The following PCYT1A variants were observed in gnomAD, a reference collection of about 807,000 sequenced individuals.
PCYT1A encodes the protein choline-phosphate cytidylyltransferase A.
PCYT1A carries 25 observed loss-of-function variants against 43.7 expected under a neutral mutation model. That is an observed-to-expected ratio of 0.57 (90% CI 0.42 to 0.80). The LOEUF (loss-of-function observed/expected upper bound fraction) is 0.80, where lower values mean the gene tolerates loss of function less well. PCYT1A is among the 30% of genes least tolerant of loss of function. PCYT1A has a pLI of 0.00. For synonymous variants in PCYT1A, 172 were observed against 170.7 expected, an observed-to-expected ratio of 1.01 and a Z score of -0.06; for missense variants, 421 against 474.2, an observed-to-expected ratio of 0.89 and a Z score of 1.04.
At chr3:196,272,752 G>A (rs1577373288) in intron 1 of PCYT1A, among the ~76,000 whole-genome samples, 1 of 152,250 alleles carries the variant, frequency 6.6e-6, no homozygotes, top group East Asian at 1.9e-4. Context: ...ATTTATTATT[G>A]TCTCATTTAG....
At chr3:196,244,961 CG>C (rs1312565911) in intron 5 of PCYT1A, among the ~76,000 whole-genome samples, 4 of 152,078 alleles carry the variant, frequency 2.6e-5, no homozygotes, top group Admixed American at 6.5e-5. Flanking sequence ...TGCAGAAGGC[CG>C]CAGGGCCCTC....
At chr3:196,255,993 C>T (rs891522230) in intron 3 of PCYT1A, among the ~76,000 whole-genome samples, 3 of 152,108 alleles carry the variant, frequency 2.0e-5, no homozygotes, top group African/African-American at 7.2e-5. Context: ...GTCATTTTAC[C>T]CTGCCTCCAG....
At chr3:196,274,508 TG>T (rs3836216) in intron 1 of PCYT1A, among the ~76,000 whole-genome samples, 54,838 of 152,154 alleles carry the variant, frequency 0.36, 10,626 homozygotes, top group East Asian at 0.81. Flanking sequence ...TTGATACTGA[TG>T]AAATTTTAGG....
chr3:196,266,087 A>G (rs995134171), intron 2 of PCYT1A, among the ~76,000 whole-genome samples: 2 of 151,876 alleles, frequency 1.3e-5, no homozygotes, highest in Non-Finnish European at 2.9e-5. Flanking sequence ...GCTCTAGGCT[A>G]TAGAATTCTA....
At position 196,242,957 on chromosome 3, in the gene PCYT1A, T is replaced by G; in HGVS notation, c.487-317A>C. On this transcript the variant is annotated intron_variant, in intron 5 of 8. Transcript: ENST00000431016. This position sits in a 1 kb window ranked among gnomAD's most constrained non-coding sequence, Gnocchi z 4.2. Reference sequence around the variant, plus strand: ...CCAGAGGGTTTGCTGGTGAACCGGTTAGTGGGTGGAGCCTAGGAAAGAAGG... The same window carrying G: ...CCAGAGGGTTTGCTGGTGAACCGGTGAGTGGGTGGAGCCTAGGAAAGAAGG... 3.1e-6 allele frequency: 1 copy of G among 325,294 alleles called. No homozygotes were observed. Among genetic ancestry groups the G allele is most frequent in the Non-Finnish European group, 5.8e-6 (1 of 171,886 alleles). The allele number at this position is 325,294 out of a possible 1,614,324, so 20.2% of individuals were successfully genotyped here.
At chr3:196,241,734 T>G (rs1443114832) in intron 7 of PCYT1A, 2 of 1,317,796 alleles carry the variant, frequency 1.5e-6, no homozygotes, top group Admixed American at 2.0e-5. Context: ...TAGTTGGCTG[T>G]ATGGCTTTAT....
chr3:196,283,024 T>C (rs1344877451), intron 1 of PCYT1A, among the ~76,000 whole-genome samples: 1 of 152,162 alleles, frequency 6.6e-6, no homozygotes, highest in Non-Finnish European at 1.5e-5. Context: ...TTTCAACTTG[T>C]GGTACAAGAG....
chr3:196,270,362 A>T lies in PCYT1A; in HGVS notation c.117+53T>A. The stretch of plus-strand genomic sequence containing the variant: ...TCAGAAGACATGTAACACTGATATC[A>T]TCAATGTCATATCGGTTTCTACCCT... On this transcript the variant is annotated intron_variant, in intron 2 of 8. Coordinates refer to ENST00000431016, the MANE Select transcript of PCYT1A (RefSeq NM_001312673.2). 3 of 1,042,974 alleles carry T rather than the reference A, an allele frequency of 2.9e-6. No homozygotes were observed. In the South Asian group the frequency reaches 3.8e-5, roughly 13 times the overall value. 64.6% of individuals were successfully genotyped at this position (1,042,974 alleles called of 1,614,324 possible).
chr3:196,269,479 C>T (rs1001975356), intron 2 of PCYT1A, among the ~76,000 whole-genome samples: 4 of 152,066 alleles, frequency 2.6e-5, no homozygotes, highest in African/African-American at 9.7e-5. Flanking sequence ...ACAACAGTAG[C>T]TTCAATTGTG....
At position 196,247,088 on chromosome 3, in the gene PCYT1A, T is replaced by C. The variant is rs1337462680; in HGVS notation, c.486+279A>G. On this transcript the variant is annotated intron_variant, in intron 5 of 8. Transcript: ENST00000431016. This position sits in a 1 kb window ranked among gnomAD's most constrained non-coding sequence, Gnocchi z 4.8. ...CAGGTTATTTGGTTTCTCTAGCCCT[T>C]GTTACTCATATGTAAAGCGGAAATG... Among the ~76,000 whole-genome samples the C allele has an allele frequency of 6.6e-6, 1 of 152,204 alleles. No individual in the cohort carries two copies. The highest frequency in any genetic ancestry group is 1.9e-4 in the East Asian group (1 of 5,206).
intron 5 of PCYT1A, among the ~76,000 whole-genome samples, chr3:196,244,626 C>T (rs1344787896): frequency 6.6e-6 from 1 of 152,268 alleles, no homozygotes; most frequent in Middle Eastern, 3.4e-3. Context: ...GCCATGATGA[C>T]GATGGCGGTT....
At position 196,252,520 on chromosome 3, in the gene PCYT1A, C is replaced by T. The variant is rs560143061; in HGVS notation, c.218-4197G>A. 3.3e-5 allele frequency among the ~76,000 whole-genome samples: 5 copies of T among 152,172 alleles called. No homozygotes were observed. The highest frequency in any genetic ancestry group is 1.2e-4 in the African/African-American group (5 of 41,518). On this transcript the variant is annotated intron_variant, in intron 3 of 8. Coordinates refer to ENST00000431016, the MANE Select transcript of PCYT1A (RefSeq NM_001312673.2). This position sits in a 1 kb window ranked among gnomAD's most constrained non-coding sequence, Gnocchi z 4.0. ...CCTCCCGAAGTTCTGGGATTACGGG[C>T]GTGAGCCACCATGCCCAGCCCAGGC...
chr3:196,248,412 C>T (rs1724637962), intron 3 of PCYT1A, 89 bp from the exon 4 acceptor site: 1 of 772,680 alleles, frequency 1.3e-6, no homozygotes, highest in Admixed American at 2.1e-5. Context: ...CACTCTGTCA[C>T]CCAGGCTGGA....
chr3:196,262,319 AAAC>A (rs1380487380), intron 2 of PCYT1A, among the ~76,000 whole-genome samples: 9 of 152,244 alleles, frequency 5.9e-5, no homozygotes, highest in Admixed American at 6.5e-5. Context: ...ACAAAATAGA[AAAC>A]AACAATACCT....
chr3:196,270,376 G>T, intron 2 of PCYT1A, 39 bp downstream of exon 2: 1 of 1,201,802 alleles, frequency 8.3e-7, no homozygotes, highest in Non-Finnish European at 1.2e-6. Context: ...ATGTCATATC[G>T]GTTTCTACCC....
chr3:196,258,503 C>T (rs1452434169), intron 2 of PCYT1A, among the ~76,000 whole-genome samples: 10 of 151,726 alleles, frequency 6.6e-5, no homozygotes, highest in Non-Finnish European at 1.0e-4. Flanking sequence ...TTCTAGTATC[C>T]GTTGTTGTTT....
rs138938051 is a variant in PCYT1A at position 196,248,862 on chromosome 3, C to A, written c.218-539G>T. Among the ~76,000 whole-genome samples, 521 of 152,012 alleles carry A rather than the reference C, an allele frequency of 3.4e-3. 3 individuals carry two copies. The highest frequency in any genetic ancestry group is 0.012 in the African/African-American group (500 of 41,474). On this transcript the variant is annotated intron_variant, in intron 3 of 8. Transcript: ENST00000431016. Reference sequence around the variant, plus strand: ...ACCTGCAACTCCCGGATTCAAGCGACTCTCCTGCCTCCGCCTCCTGAGTAG... The same window carrying A: ...ACCTGCAACTCCCGGATTCAAGCGAATCTCCTGCCTCCGCCTCCTGAGTAG...
rs886471003 is a variant in PCYT1A at position 196,239,866 on chromosome 3, C to A, written c.709-131G>T. On this transcript the variant is annotated intron_variant, in intron 7 of 8. Coordinates refer to ENST00000431016, the MANE Select transcript of PCYT1A (RefSeq NM_001312673.2). ...GTCTAGAATTTTGCTTTGCTTTAAT[C>A]TACCCCACTCTCAGCATAATAACAG... 2.5e-5 allele frequency: 16 copies of A among 648,026 alleles called. No individual in the cohort carries two copies. In the African/African-American group the frequency reaches 2.9e-4, roughly 12 times the overall value. 40.1% of individuals were successfully genotyped at this position (648,026 alleles called of 1,614,324 possible).
chr3:196,262,695 T>A (rs533662941), intron 2 of PCYT1A, among the ~76,000 whole-genome samples: 1 of 152,156 alleles, frequency 6.6e-6, no homozygotes, highest in African/African-American at 2.4e-5. Flanking sequence ...GATTCTGGCA[T>A]CCACACTAAC....
Sources: allele counts gnomAD v4.1 joint callset (sites outside exome capture counted in the v4.1 genomes callset), GRCh38; gene constraint gnomAD v4.1.1; non-coding constraint Gnocchi (gnomAD v3.1); transcripts MANE v1.5; gene names NCBI Gene and HGNC (gene_info 2026-07-23, HGNC 2026-07-21).